The following ST8SIA1 variants were observed in gnomAD, a reference collection of about 807,000 sequenced individuals.
The protein encoded by ST8SIA1 is alpha-N-acetylneuraminide alpha-2,8-sialyltransferase.
Under a neutral mutation model 35.9 loss-of-function variants are expected in ST8SIA1, and 16 were observed. That is an observed-to-expected ratio of 0.45 (90% CI 0.30 to 0.68). ST8SIA1 has a LOEUF of 0.68. ST8SIA1 is among the 30% of genes least tolerant of loss of function. The probability of loss-of-function intolerance (pLI) is 0.09; values close to 1 mark genes in which losing one functional copy is unlikely to be tolerated. For synonymous variants in ST8SIA1, 170 were observed against 169.6 expected (o/e 1.00, Z -0.02); for missense variants, 383 against 453.6 (o/e 0.84, Z 1.41).
intron 1 of ST8SIA1, 146 bp downstream of exon 1, chr12:22,333,851 G>T: frequency 1.2e-6 from 1 of 835,890 alleles, no homozygotes; most frequent in Non-Finnish European, 2.1e-6. Context: ...GTTGGGAATG[G>T]CACAAATGGA....
chr12:22,304,328 CTTTT>C (rs1322146372), intron 1 of ST8SIA1, among the ~76,000 whole-genome samples: 6 of 103,906 alleles, frequency 5.8e-5, no homozygotes, highest in African/African-American at 3.7e-5. Context: ...TTGTCTTTTT[CTTTT>C]TCTTTTTTTT....
At position 22,197,713 on chromosome 12, in the gene ST8SIA1, T is replaced by G. The variant is rs371336368; in HGVS notation, c.*3839A>C. The G allele has an allele frequency of 5.3e-5, 8 of 152,170 alleles. No individual in the cohort carries two copies. The highest frequency in any genetic ancestry group is 3.9e-4 in the East Asian group (2 of 5,192). The allele number at this position is 152,170 out of a possible 1,614,324, so 9.4% of individuals were successfully genotyped here. A position where few individuals can be genotyped will look rare whatever the true frequency, so the allele number is the denominator to read the frequency against. On this transcript the variant is annotated 3_prime_UTR_variant, in exon 5 of 5. Coordinates refer to ENST00000396037, the MANE Select transcript of ST8SIA1 (RefSeq NM_003034.4). ...TTTTAAGCCATGTTGTCCAGATTGC[T>G]TCAGGTACAAGTTATATATAGCCTA... is the stretch of plus-strand genomic sequence containing the variant.
intron 4 of ST8SIA1, among the ~76,000 whole-genome samples, chr12:22,224,017 T>C (rs547804013): frequency 6.6e-6 from 1 of 152,342 alleles, no homozygotes; most frequent in African/African-American, 2.4e-5. Context: ...TCAATTCTTT[T>C]GTTTTCCTAA....
At chr12:22,319,179 G>C (rs1484050667) in intron 1 of ST8SIA1, among the ~76,000 whole-genome samples, 1 of 151,974 alleles carries the variant, frequency 6.6e-6, no homozygotes, top group Non-Finnish European at 1.5e-5. Flanking sequence ...ACTGTGTAGA[G>C]TGCTGAAAAT....
At chr12:22,299,775 A>G (rs1051389082) in intron 1 of ST8SIA1, among the ~76,000 whole-genome samples, 1 of 151,948 alleles carries the variant, frequency 6.6e-6, no homozygotes, top group Non-Finnish European at 1.5e-5. Context: ...GCATCTGGCC[A>G]TTTTCAGTTT....
chr12:22,271,759 A>G (rs956261432), intron 2 of ST8SIA1, among the ~76,000 whole-genome samples: 1 of 152,128 alleles, frequency 6.6e-6, no homozygotes, highest in African/African-American at 2.4e-5. Context: ...TGTGTCCTAC[A>G]TCAGCCTTTC....
chr12:22,243,379 C>A (rs17702940), intron 4 of ST8SIA1, among the ~76,000 whole-genome samples: 1 of 151,380 alleles, frequency 6.6e-6, no homozygotes, highest in African/African-American at 2.4e-5. Context: ...AATAAAATAT[C>A]TAATATAAAT....
chr12:22,270,878 G>A (rs1437389488), intron 2 of ST8SIA1, among the ~76,000 whole-genome samples: 1 of 152,216 alleles, frequency 6.6e-6, no homozygotes, highest in Non-Finnish European at 1.5e-5. Flanking sequence ...GTCGTAAACA[G>A]TTGACATTAA....
At chr12:22,250,503 C>T (rs977582278) in intron 3 of ST8SIA1, among the ~76,000 whole-genome samples, 26 of 152,200 alleles carry the variant, frequency 1.7e-4, no homozygotes, top group African/African-American at 6.0e-4. Flanking sequence ...CCTCATTTCT[C>T]CTCTTCAACC....
intron 4 of ST8SIA1, among the ~76,000 whole-genome samples, chr12:22,230,336 T>C (rs982230529): frequency 9.2e-5 from 14 of 152,290 alleles, no homozygotes; most frequent in African/African-American, 2.4e-4. Flanking sequence ...AGCACAGCTA[T>C]AGACTCTGAA....
At chr12:22,248,456 T>C (rs918477579) in intron 4 of ST8SIA1, among the ~76,000 whole-genome samples, 1 of 150,680 alleles carries the variant, frequency 6.6e-6, no homozygotes, top group African/African-American at 2.5e-5. Context: ...AATTTCAAGA[T>C]TTCTGGAATT....
At chr12:22,274,502 C>CA (rs755448337) in intron 2 of ST8SIA1, among the ~76,000 whole-genome samples, 5 of 152,278 alleles carry the variant, frequency 3.3e-5, no homozygotes, top group Non-Finnish European at 7.4e-5. Context: ...CATCCAATAA[C>CA]AATTTCTTAA....
At chr12:22,251,922 T>C (rs560481035) in intron 3 of ST8SIA1, among the ~76,000 whole-genome samples, 1 of 152,310 alleles carries the variant, frequency 6.6e-6, no homozygotes, top group South Asian at 2.1e-4. Context: ...AAACATACAT[T>C]TGAGCATAAT....
chr12:22,276,836 A>G (rs1470021197), intron 2 of ST8SIA1, among the ~76,000 whole-genome samples: 2 of 151,306 alleles, frequency 1.3e-5, no homozygotes, highest in African/African-American at 4.9e-5. Flanking sequence ...TGAACACATG[A>G]CAAAATAAAA....
At chr12:22,292,325 T>G (rs1866186858) in intron 1 of ST8SIA1, among the ~76,000 whole-genome samples, 1 of 152,192 alleles carries the variant, frequency 6.6e-6, no homozygotes, top group African/African-American at 2.4e-5. Context: ...CACTTAAAAC[T>G]ATTTATATGC....
chr12:22,309,179 C>T (rs1396376681), intron 1 of ST8SIA1, among the ~76,000 whole-genome samples: 2 of 152,106 alleles, frequency 1.3e-5, no homozygotes, highest in African/African-American at 4.8e-5. Context: ...AAGTTCTTGG[C>T]CATGACGAGG....
intron 3 of ST8SIA1, among the ~76,000 whole-genome samples, chr12:22,253,799 G>A (rs1356521881): frequency 6.6e-6 from 1 of 151,988 alleles, no homozygotes; most frequent in Non-Finnish European, 1.5e-5. Context: ...AGGAAAGGTG[G>A]GTATAGAAGG....
intron 3 of ST8SIA1, among the ~76,000 whole-genome samples, chr12:22,254,826 A>G (rs1865711777): frequency 1.3e-5 from 2 of 152,156 alleles, no homozygotes; most frequent in Admixed American, 1.3e-4. Flanking sequence ...TCACTCAAAG[A>G]TTTAATCCGT....
chr12:22,260,139 C>CTCAAGGGTT (rs538796600), intron 2 of ST8SIA1, among the ~76,000 whole-genome samples: 58 of 151,484 alleles, frequency 3.8e-4, no homozygotes, highest in African/African-American at 1.4e-3. Context: ...TAGTAATGAG[C>CTCAAGGGTT]TCAAGGGTTT....
Sources: gnomAD v4.1 joint callset for allele counts (sites outside exome capture counted in the v4.1 genomes callset) on GRCh38, gnomAD v4.1.1 for gene constraint, MANE v1.5 for transcripts, NCBI Gene and HGNC (gene_info 2026-07-23, HGNC 2026-07-21) for gene names.